The following ZNF283 variants were observed in gnomAD, a reference collection of about 807,000 sequenced individuals.
The protein encoded by ZNF283 is zinc finger protein 283, also known as zinc finger protein 41.
ZNF283 carries 10 observed loss-of-function variants against 9.2 expected under a neutral mutation model. The ratio of observed to expected loss-of-function variants is 1.09; its 90% CI spans 0.67 to 1.85. ZNF283 has a LOEUF of 1.85. Ranked by LOEUF, ZNF283 falls within the 40% of genes most tolerant of loss-of-function variation. The pLI is 0.00. For synonymous variants in ZNF283, 234 were observed against 244.1 expected (o/e 0.96, Z 0.38); for missense variants, 631 against 760.1 (o/e 0.83, Z 2.00).
In ZNF283 at chr19:43,847,221, A is replaced by G. The variant is rs776872047; in HGVS notation, c.620A>G (p.Tyr207Cys). ...AGAATTCATAATACAGAGAAATCCT[A>G]TGTTTGTAAGGAATGTGGGAAGGCT... ...HQRIHNTEKSYVCKECGKACS... is the reference protein window; with the variant it reads ...HQRIHNTEKSCVCKECGKACS... The change falls in exon 7 of 7, where the codon TAT becomes TGT. Residue 207 changes from tyrosine (Y) to cysteine (C), a missense_variant. Around this residue, in one of 3 missense-constraint regions of ZNF283, gnomAD observed 184 missense variants for 220.0 expected, o/e 0.84. Transcript: ENST00000618787. 19 of 1,613,676 alleles carry G rather than the reference A, an allele frequency of 1.2e-5. No homozygotes were observed. Among genetic ancestry groups the G allele is most frequent in the South Asian group, 6.6e-5 (6 of 90,960 alleles).
intron 6 of ZNF283, among the ~76,000 whole-genome samples, chr19:43,844,973 C>T (rs1044318537): frequency 2.6e-5 from 4 of 152,048 alleles, no homozygotes; most frequent in African/African-American, 7.2e-5. Context: ...AAGAGTATTA[C>T]GATTGTTCCA....
At chr19:43,843,591 A>G (rs552608457) in intron 6 of ZNF283, among the ~76,000 whole-genome samples, 6 of 152,284 alleles carry the variant, frequency 3.9e-5, no homozygotes, top group African/African-American at 1.4e-4. Context: ...ATACATTAAG[A>G]TTTTTTATGA....
Position 43,847,046 on chromosome 19 carries a change from C to T in ZNF283, c.445C>T (p.Leu149Phe), listed in dbSNP as rs1014616543. 8 of 1,612,014 alleles carry T rather than the reference C, an allele frequency of 5.0e-6. No homozygotes were observed. Among genetic ancestry groups the T allele is most frequent in the Non-Finnish European group, 6.8e-6 (8 of 1,178,958 alleles). ...GAAGGACAAAAGTAAAACCCTTGGCCTTGAGGCATCCATCTTCAGAAATAA... is the reference window on the plus strand; with the variant it reads ...GAAGGACAAAAGTAAAACCCTTGGCTTTGAGGCATCCATCTTCAGAAATAA... ...EMKDKSKTLGLEASIFRNNWK... is the reference protein window; with the variant it reads ...EMKDKSKTLGFEASIFRNNWK... The change falls in exon 7 of 7, where the codon CTT (leucine) becomes TTT (phenylalanine). Residue 149 changes from leucine to phenylalanine, a missense_variant. Physicochemically the swap from Leu to Phe is conservative, Grantham distance 22. This residue lies in a region of ZNF283 where 184 missense variants were observed against 220.0 expected (regional missense o/e 0.84). Transcript: ENST00000618787.
intron 3 of ZNF283, among the ~76,000 whole-genome samples, chr19:43,832,029 A>C (rs537796911): frequency 9.6e-4 from 146 of 152,074 alleles, no homozygotes; most frequent in Non-Finnish European, 1.5e-3. Flanking sequence ...TTGGTGATGT[A>C]AATGAATTGA....
At position 43,850,823 on chromosome 19, in the gene ZNF283, A is replaced by G. The variant is rs1249394067; in HGVS notation, c.*2182A>G. 1.3e-5 allele frequency: 2 copies of G among 152,368 alleles called. No homozygotes were observed. The highest frequency in any genetic ancestry group is 1.5e-5 in the Non-Finnish European group (1 of 68,038). 9.4% of individuals were successfully genotyped at this position (152,368 alleles called of 1,614,324 possible). A position where few individuals can be genotyped will look rare whatever the true frequency, so the allele number is the denominator to read the frequency against. ...CCTGTCATGATTTAGTGCTAGCATC[A>G]AGGCAGGTTAGTTATGAAGAAATAG... On this transcript the variant is annotated 3_prime_UTR_variant, in exon 7 of 7. Coordinates refer to ENST00000618787, the MANE Select transcript of ZNF283 (RefSeq NM_181845.2).
intron 5 of ZNF283, among the ~76,000 whole-genome samples, chr19:43,836,596 C>T (rs1970988480): frequency 6.6e-6 from 1 of 152,220 alleles, no homozygotes; most frequent in African/African-American, 2.4e-5. Context: ...CTGCCTCAGC[C>T]TCCCAAAGTG....
In ZNF283 at chr19:43,847,948, T is replaced by C; in HGVS notation, c.1347T>C (p.His449=). 6.2e-7 allele frequency: 1 copy of C among 1,613,762 alleles called. No homozygotes were observed. The highest frequency in any genetic ancestry group is 8.5e-7 in the Non-Finnish European group (1 of 1,179,894). Residue 449 remains histidine, a synonymous_variant, in exon 7 of 7, where the codon CAT becomes CAC. Transcript: ENST00000618787. ...GTCGTGGCTATCACCTTTCTCAACA[T>C]CAGAAAATCCATACTGGTGAGAAAC... ...AFSRGYHLSQ[H]QKIHTGEKPF...
chr19:43,848,329 T>C lies in ZNF283; in HGVS notation c.1728T>C (p.Cys576=). The C allele has an allele frequency of 1.9e-6, 3 of 1,614,002 alleles. No homozygotes were observed. The highest frequency in any genetic ancestry group is 2.5e-6 in the Non-Finnish European group (3 of 1,179,944). The change falls in exon 7 of 7, where the codon TGT becomes TGC. Residue 576 remains cysteine, a synonymous_variant. Coordinates refer to ENST00000618787, the MANE Select transcript of ZNF283 (RefSeq NM_181845.2). ...TGEKPFKCKE[C]GKAFSWGSSL... is the part of the protein sequence containing the mutation. ...AGAAACCTTTCAAATGTAAGGAATGTGGGAAGGCCTTCAGTTGGGGTTCAA... is the reference window on the plus strand; with the variant it reads ...AGAAACCTTTCAAATGTAAGGAATGCGGGAAGGCCTTCAGTTGGGGTTCAA...
At chr19:43,843,950 T>G (rs138597652) in intron 6 of ZNF283, among the ~76,000 whole-genome samples, 12 of 152,316 alleles carry the variant, frequency 7.9e-5, no homozygotes, top group Non-Finnish European at 1.5e-4. Context: ...CTTCATATAC[T>G]TCATATATAT....
rs1181068687 is a variant in ZNF283 at position 43,848,434 on chromosome 19, C to T, written c.1833C>T (p.Gly611=). 1.9e-6 allele frequency: 3 copies of T among 1,613,900 alleles called. No homozygotes were observed. Among genetic ancestry groups the T allele is most frequent in the Non-Finnish European group, 1.7e-6 (2 of 1,179,880 alleles). The part of the protein sequence containing the change: ...CKDCGKAFGS[G]YQLSVHQRFH... ...ACTGTGGGAAGGCCTTTGGTAGTGG[C>T]TATCAACTTAGTGTTCATCAGAGAT... The change falls in exon 7 of 7, where the codon GGC becomes GGT. Residue 611 remains glycine (G), a synonymous_variant. Transcript: ENST00000618787.
chr19:43,847,576 G>A lies in ZNF283; in HGVS notation c.975G>A (p.Gly325=). ...AATCTTATAAATGTAAGGAATGTGG[G>A]AAGGCCTTTTTTTGGGGCTCAAGCC... ...GVKSYKCKEC[G]KAFFWGSSLA... The change falls in exon 7 of 7, where the codon GGG becomes GGA. Residue 325 remains glycine, a synonymous_variant. Coordinates refer to ENST00000618787, the MANE Select transcript of ZNF283 (RefSeq NM_181845.2). 1 of 1,607,802 alleles carries A rather than the reference G, an allele frequency of 6.2e-7. No individual in the cohort carries two copies. The highest frequency in any genetic ancestry group is 8.5e-7 in the Non-Finnish European group (1 of 1,176,496).
rs993593169 is a variant in ZNF283 at position 43,837,313 on chromosome 19, C to G, written c.337+134C>G. 1.4e-5 allele frequency: 13 copies of G among 914,248 alleles called. No individual in the cohort carries two copies. The African/African-American group carries it at 1.5e-4, about 11-fold the overall frequency. The allele number at this position is 914,248 out of a possible 1,614,324, so 56.6% of individuals were successfully genotyped here. A position where few individuals can be genotyped will look rare whatever the true frequency, so the allele number is the denominator to read the frequency against. On this transcript the variant is annotated intron_variant, in intron 6 of 6. Transcript: ENST00000618787. ...CCCTTCCCAAGGGCATGCTTTTATA[C>G]TTGCTGGGTTAGAAATGGGTTTGTT...
Position 43,849,449 on chromosome 19 carries a change from G to C in ZNF283, c.*808G>C, listed in dbSNP as rs1189420553. 1 of 152,170 alleles carries C rather than the reference G, an allele frequency of 6.6e-6. No homozygotes were observed. The highest frequency in any genetic ancestry group is 2.4e-5 in the African/African-American group (1 of 41,452). The allele number at this position is 152,170 out of a possible 1,614,324, so 9.4% of individuals were successfully genotyped here. ...AGAAATTCTTCACTTGCACCTCTCT[G>C]ATTAGAATAGCAGAATATTCATACT... On this transcript the variant is annotated 3_prime_UTR_variant, in exon 7 of 7. Transcript: ENST00000618787.
chr19:43,838,462 C>G (rs1439903366), intron 6 of ZNF283, among the ~76,000 whole-genome samples: 1 of 152,052 alleles, frequency 6.6e-6, no homozygotes, highest in Non-Finnish European at 1.5e-5. Flanking sequence ...CCCATCTCTA[C>G]AAAAAATACA....
At chr19:43,845,067 A>G (rs1003372702) in intron 6 of ZNF283, among the ~76,000 whole-genome samples, 4 of 152,182 alleles carry the variant, frequency 2.6e-5, no homozygotes, top group Admixed American at 2.6e-4. Context: ...GTACATGAAT[A>G]TGAATATACA....
Position 43,847,013 on chromosome 19 carries a change from T to G in ZNF283, c.412T>G (p.Trp138Gly), listed in dbSNP as rs760941945. 2.2e-4 allele frequency: 350 copies of G among 1,576,360 alleles called. No individual in the cohort carries two copies. The highest frequency in any genetic ancestry group is 3.0e-4 in the Non-Finnish European group (344 of 1,164,184). ...TATTTTTGAAATAAATTTTTCCCAG[T>G]GGGAGATGAAGGACAAAAGTAAAAC... is the stretch of plus-strand genomic sequence containing the variant. ...NDIFEINFSQ[W>G]EMKDKSKTLG... Residue 138 changes from tryptophan to glycine, a missense_variant, in exon 7 of 7, where the codon TGG (tryptophan) becomes GGG (glycine). By Grantham distance (184) the Trp-to-Gly change is radical. This residue lies in a region of ZNF283 where 184 missense variants were observed against 220.0 expected (regional missense o/e 0.84). Transcript: ENST00000618787.
At chr19:43,842,667 C>A (rs1035262790) in intron 6 of ZNF283, among the ~76,000 whole-genome samples, 1 of 152,212 alleles carries the variant, frequency 6.6e-6, no homozygotes, top group Non-Finnish European at 1.5e-5. Context: ...GTGGGCCAAA[C>A]CTTTCACAAA....
At chr19:43,842,996 A>G (rs1434298227) in intron 6 of ZNF283, among the ~76,000 whole-genome samples, 1 of 152,236 alleles carries the variant, frequency 6.6e-6, no homozygotes, top group African/African-American at 2.4e-5. Context: ...CTTCTGCTGT[A>G]TACCAAAGTA....
chr19:43,835,185 T>C (rs80196961), intron 4 of ZNF283, among the ~76,000 whole-genome samples: 2,903 of 152,274 alleles, frequency 0.019, 47 homozygotes, highest in Middle Eastern at 0.034. Context: ...CTTCCTTCAG[T>C]CCTGAGCCCA....
Sources: gnomAD v4.1 joint callset for allele counts (sites outside exome capture counted in the v4.1 genomes callset) on GRCh38, gnomAD v4.1.1 for gene constraint, gnomAD v4.1.1 regional missense constraint, MANE v1.5 for transcripts, NCBI Gene and HGNC (gene_info 2026-07-23, HGNC 2026-07-21) for gene names.